TALDO1: variants seen among roughly 807,000 people sequenced by gnomAD.
The protein encoded by TALDO1 is transaldolase.
In TALDO1, 29 loss-of-function variants were observed where a neutral mutation model predicts 38.1. The ratio of observed to expected loss-of-function variants is 0.76; its 90% CI spans 0.57 to 1.04. TALDO1 has a LOEUF of 1.04. Among genes scored for constraint, TALDO1 ranks in the 50% least tolerant of loss-of-function variants. The pLI, the probability that TALDO1 is intolerant of heterozygous loss-of-function variation, is 0.00. For missense variants in TALDO1, 499 were observed against 438.1 expected, an observed-to-expected ratio of 1.14 and a Z score of -1.24; for synonymous variants, 207 against 176.8, an observed-to-expected ratio of 1.17 and a Z score of -1.36.
intron 6 of TALDO1, 24 bp from the exon 7 acceptor site, chr11:764,264 G>A: frequency 6.2e-7 from 1 of 1,614,070 alleles, no homozygotes; most frequent in East Asian, 2.2e-5. Context: ...GAGCAGGCAT[G>A]GAAGGCTGGT....
At chr11:763,311 CCT>C in intron 4 of TALDO1, 31 bp from the exon 5 acceptor site, 1 of 864,466 alleles carries the variant, frequency 1.2e-6, no homozygotes, top group South Asian at 1.7e-5. Context: ...CCCGCCCTCA[CCT>C]GCCCCGCCCT....
chr11:758,149 T>C (rs1336967995), intron 2 of TALDO1, among the ~76,000 whole-genome samples: 1 of 152,108 alleles, frequency 6.6e-6, no homozygotes, highest in Non-Finnish European at 1.5e-5. Flanking sequence ...CCGGGCACAG[T>C]GGCGGGCGCC....
chr11:763,204 G>C (rs1300402264), intron 4 of TALDO1, 140 bp from the exon 5 acceptor site: 106 of 106,734 alleles, frequency 9.9e-4, no homozygotes, highest in South Asian at 2.3e-3. Flanking sequence ...GCCCTCACCT[G>C]CCCCGCCCTC....
Position 763,467 on chromosome 11 carries a change from T to C in TALDO1, c.585T>C (p.Asp195=), listed in dbSNP as rs945543023. The C allele has an allele frequency of 1.1e-5, 18 of 1,613,270 alleles. No homozygotes were observed. The highest frequency in any genetic ancestry group is 2.2e-5 in the South Asian group (2 of 91,018). The change falls in exon 5 of 8, where the codon GAT becomes GAC. Residue 195 remains aspartate, a synonymous_variant. Transcript: ENST00000319006. ...LISPFVGRIL[D]WHVANTDKKS... is the part of the protein sequence containing the mutation. ...CCCCATTTGTTGGGCGCATCCTTGA[T>C]TGGCATGTGGCAAACACCGACAAGA...
rs148353786 is a variant in TALDO1 at position 756,664 on chromosome 11, C to T, written c.221+662C>T. On this transcript the variant is annotated intron_variant, in intron 2 of 7. Coordinates refer to ENST00000319006, the MANE Select transcript of TALDO1 (RefSeq NM_006755.2). ...CCGAGCAGCTGGGATTACAGGCATG[C>T]GCCATCACACCTGGCTATAATTTTT... Among the ~76,000 whole-genome samples, 674 of 152,186 alleles carry T rather than the reference C, an allele frequency of 4.4e-3. 18 individuals are homozygous for T. Among genetic ancestry groups the T allele is most frequent in the Admixed American group, 0.039 (590 of 15,280 alleles).
rs569250168 is a variant in TALDO1, at chr11:751,721, G to A, written c.97+4143G>A. 2.4e-4 allele frequency among the ~76,000 whole-genome samples: 37 copies of A among 152,238 alleles called. No individual in the cohort carries two copies. The South Asian group carries it at 7.7e-3, about 32-fold the overall frequency. On this transcript the variant is annotated intron_variant, in intron 1 of 7. Coordinates refer to ENST00000319006, the MANE Select transcript of TALDO1 (RefSeq NM_006755.2). ...GAGGCGAGATAATTGCTTGAACCTG[G>A]AAGACGGAGGTTGCAGTGAGCCGGG...
rs1366397960 is a variant in TALDO1 at position 763,311 on chromosome 11, CCTGCCCCGCCCTCA to C, written c.462-31_462-18del. ...CCGCCCTCACCTGTCCCCGCCCTCA[CCTGCCCCGCCCTCA>C]CCTGTCCCCGCCCCGCAGGGAGCTC... On this transcript the variant is annotated intron_variant, in intron 4 of 7. Coordinates refer to ENST00000319006, the MANE Select transcript of TALDO1 (RefSeq NM_006755.2). 8 of 864,466 alleles carry C rather than the reference CCTGCCCCGCCCTCA, an allele frequency of 9.3e-6. No individual in the cohort carries two copies. The Admixed American group carries it at 1.8e-4, about 20-fold the overall frequency. 53.5% of individuals were successfully genotyped at this position (864,466 alleles called of 1,614,324 possible).
At chr11:759,098 G>C (rs1862890670) in intron 3 of TALDO1, 41 bp downstream of exon 3, 1 of 1,546,734 alleles carries the variant, frequency 6.5e-7, no homozygotes, top group Admixed American at 1.7e-5. Context: ...CTGGTCAGGT[G>C]TCCACAGTTG....
chr11:762,534 T>C (rs1326798796), intron 4 of TALDO1, among the ~76,000 whole-genome samples: 1 of 152,260 alleles, frequency 6.6e-6, no homozygotes, highest in Non-Finnish European at 1.5e-5. Context: ...GAGTGGAGTC[T>C]CTGGGTGACT....
intron 2 of TALDO1, chr11:756,266 A>C (rs1026424925): frequency 2.0e-6 from 1 of 487,820 alleles, no homozygotes; most frequent in Non-Finnish European, 3.7e-6. Context: ...GCACTTGCAG[A>C]CCCCCACAGG....
chr11:748,817 A>G (rs1024290687), intron 1 of TALDO1, among the ~76,000 whole-genome samples: 1 of 152,222 alleles, frequency 6.6e-6, no homozygotes, highest in Admixed American at 6.5e-5. Context: ...CCCCCGTTGT[A>G]GTCCAGACCT....
intron 1 of TALDO1, 37 bp from the exon 2 acceptor site, chr11:755,842 C>T (rs749109942): frequency 6.2e-7 from 1 of 1,613,868 alleles, no homozygotes; most frequent in African/African-American, 1.3e-5. Context: ...GAAGCAAGTA[C>T]TCCACTTACT....
At chr11:747,696 C>T (rs1302572464) in intron 1 of TALDO1, 118 bp downstream of exon 1, 2 of 899,092 alleles carry the variant, frequency 2.2e-6, no homozygotes, top group South Asian at 3.4e-5. Flanking sequence ...CCGGGCGGCT[C>T]GTTCCGGGAG....
intron 1 of TALDO1, among the ~76,000 whole-genome samples, chr11:748,304 C>A (rs1862693278): frequency 6.6e-6 from 1 of 152,208 alleles, no homozygotes; most frequent in African/African-American, 2.4e-5. Flanking sequence ...CACCGCCAGA[C>A]GCACCGGGTG....
chr11:757,207 C>T (rs901110070), intron 2 of TALDO1, among the ~76,000 whole-genome samples: 1 of 152,050 alleles, frequency 6.6e-6, no homozygotes, highest in Non-Finnish European at 1.5e-5. Context: ...CCTTGGTGCT[C>T]CTGTTATTGG....
At chr11:755,422 G>A (rs1263389281) in intron 1 of TALDO1, among the ~76,000 whole-genome samples, 1 of 152,158 alleles carries the variant, frequency 6.6e-6, no homozygotes, top group African/African-American at 2.4e-5. Context: ...GGGATTACAG[G>A]CGTGGGCCGC....
At chr11:760,062 T>A in intron 3 of TALDO1, 60 bp from the exon 4 acceptor site, 1 of 1,610,002 alleles carries the variant, frequency 6.2e-7, no homozygotes, top group East Asian at 2.2e-5. Flanking sequence ...GCCTCCAGCT[T>A]GCTCTGCGTG....
At chr11:761,352 A>G (rs1004789284) in intron 4 of TALDO1, among the ~76,000 whole-genome samples, 18 of 150,968 alleles carry the variant, frequency 1.2e-4, no homozygotes, top group African/African-American at 4.4e-4. Context: ...AAAAAAAAAA[A>G]AGAAAAGAAA....
intron 4 of TALDO1, among the ~76,000 whole-genome samples, chr11:761,992 G>C (rs1341595064): frequency 6.6e-6 from 1 of 151,478 alleles, no homozygotes; most frequent in Non-Finnish European, 1.5e-5. Flanking sequence ...TTTTGAGACG[G>C]AGTTTCATTC....
Sources: allele counts gnomAD v4.1 joint callset (sites outside exome capture counted in the v4.1 genomes callset), GRCh38; gene constraint gnomAD v4.1.1; transcripts MANE v1.5; gene names NCBI Gene and HGNC (gene_info 2026-07-23, HGNC 2026-07-21).